Variants in ASTN2 observed in about 807,000 individuals in gnomAD.
ASTN2 encodes the protein astrotactin-2.
In ASTN2, 54 loss-of-function variants were observed where a neutral mutation model predicts 139.8. The observed-to-expected ratio is 0.39, with a 90% confidence interval of 0.31 to 0.48. The LOEUF (loss-of-function observed/expected upper bound fraction) is 0.48. ASTN2 is among the 20% of genes least tolerant of loss of function. The pLI, the probability that ASTN2 is intolerant of heterozygous loss-of-function variation, is 0.95. For synonymous variants in ASTN2, 756 were observed against 719.5 expected (o/e 1.05, Z -0.81); for missense variants, 1,565 against 1,725.1 (o/e 0.91, Z 1.64).
At chr9:116,840,866 C>A (rs1254260941) in intron 11 of ASTN2, among the ~76,000 whole-genome samples, 3 of 151,276 alleles carry the variant, frequency 2.0e-5, no homozygotes, top group Non-Finnish European at 2.9e-5. Flanking sequence ...GGATGGCGGC[C>A]GGGTAGAGAC....
intron 10 of ASTN2, among the ~76,000 whole-genome samples, chr9:116,925,538 C>T (rs1369843700): frequency 6.6e-6 from 1 of 152,160 alleles, no homozygotes; most frequent in Non-Finnish European, 1.5e-5. Flanking sequence ...CACATACTCA[C>T]ATGTACTCAT....
chr9:117,171,393 T>C (rs528614569), intron 3 of ASTN2, among the ~76,000 whole-genome samples: 1 of 152,144 alleles, frequency 6.6e-6, no homozygotes, highest in Non-Finnish European at 1.5e-5. Context: ...GATGAATCTA[T>C]AAAATGAAAC....
chr9:117,299,882 G>A (rs1834833401), intron 1 of ASTN2, among the ~76,000 whole-genome samples: 1 of 152,176 alleles, frequency 6.6e-6, no homozygotes. Flanking sequence ...TGAGTCAGAA[G>A]CTTATATTTT....
intron 6 of ASTN2, among the ~76,000 whole-genome samples, chr9:117,035,761 C>G (rs1838367107): frequency 6.6e-6 from 1 of 152,246 alleles, no homozygotes; most frequent in African/African-American, 2.4e-5. Flanking sequence ...CACCTGGCTT[C>G]AAATGCTGGA....
chr9:116,653,379 T>C (rs1858031289), intron 16 of ASTN2, among the ~76,000 whole-genome samples: 1 of 152,242 alleles, frequency 6.6e-6, no homozygotes, highest in Non-Finnish European at 1.5e-5. Context: ...ATTTCTTTTA[T>C]AGGCTGGCCT....
chr9:116,552,389 C>A (rs900801143), intron 19 of ASTN2, among the ~76,000 whole-genome samples: 13 of 152,030 alleles, frequency 8.6e-5, no homozygotes, highest in Admixed American at 3.3e-4. Context: ...ACTATTTATT[C>A]CTAATAAAAT....
chr9:116,912,364 G>A (rs1191602827), intron 10 of ASTN2, among the ~76,000 whole-genome samples: 2 of 152,208 alleles, frequency 1.3e-5, no homozygotes, highest in African/African-American at 4.8e-5. Flanking sequence ...AGTGAGAAAA[G>A]CAAAGCAGTT....
chr9:116,526,431 G>C (rs1851093037), intron 19 of ASTN2, among the ~76,000 whole-genome samples: 1 of 151,838 alleles, frequency 6.6e-6, no homozygotes, highest in Non-Finnish European at 1.5e-5. Flanking sequence ...GGCCAACATG[G>C]TAAAACCCCG....
intron 19 of ASTN2, among the ~76,000 whole-genome samples, chr9:116,560,842 AG>A (rs1472134164): frequency 2.0e-5 from 3 of 152,196 alleles, no homozygotes; most frequent in Non-Finnish European, 4.4e-5. Flanking sequence ...TCTGGAAGGG[AG>A]GTAGAGAGGG....
At chr9:117,412,044 T>G (rs963145115) in intron 1 of ASTN2, among the ~76,000 whole-genome samples, 1 of 140,160 alleles carries the variant, frequency 7.1e-6, no homozygotes, top group Non-Finnish European at 1.5e-5. Flanking sequence ...AACTCTCATT[T>G]CCGGCCAGCT....
chr9:116,934,752 T>C (rs1162044909), intron 10 of ASTN2, among the ~76,000 whole-genome samples: 2 of 152,224 alleles, frequency 1.3e-5, no homozygotes, highest in Admixed American at 6.5e-5. Context: ...ACTTGTACCC[T>C]TGAACTTAAT....
intron 19 of ASTN2, among the ~76,000 whole-genome samples, chr9:116,517,060 A>G (rs1381347699): frequency 3.9e-5 from 6 of 152,164 alleles, no homozygotes; most frequent in African/African-American, 1.4e-4. Flanking sequence ...CAAAGGTCAT[A>G]ATCTCTTAGG....
At chr9:116,464,140 T>A (rs1258753566) in intron 20 of ASTN2, among the ~76,000 whole-genome samples, 1 of 152,026 alleles carries the variant, frequency 6.6e-6, no homozygotes, top group Non-Finnish European at 1.5e-5. Flanking sequence ...TGAATGTATA[T>A]TTGTCAGTGT....
intron 1 of ASTN2, among the ~76,000 whole-genome samples, chr9:117,305,084 C>T (rs2130805517): frequency 6.6e-6 from 1 of 152,336 alleles, no homozygotes; most frequent in East Asian, 1.9e-4. Context: ...GTGCAAGATG[C>T]CAGACTCCTC....
chr9:116,628,096 G>A (rs993966011), intron 17 of ASTN2, among the ~76,000 whole-genome samples: 2 of 152,170 alleles, frequency 1.3e-5, no homozygotes, highest in African/African-American at 4.8e-5. Context: ...ACACCCCTGA[G>A]TCCACCCACC....
intron 4 of ASTN2, among the ~76,000 whole-genome samples, chr9:117,120,152 A>C (rs868488432): frequency 6.6e-6 from 1 of 150,588 alleles, no homozygotes; most frequent in African/African-American, 2.4e-5. Flanking sequence ...AAAACACTGG[A>C]CTGGAAGAAG....
intron 13 of ASTN2, among the ~76,000 whole-genome samples, chr9:116,766,714 GTC>G (rs1273509376): frequency 3.3e-5 from 5 of 150,800 alleles, no homozygotes; most frequent in Admixed American, 6.6e-5. Context: ...CACTTAAACA[GTC>G]ATATCACACA....
chr9:117,127,847 A>AT (rs1273428749), intron 4 of ASTN2, among the ~76,000 whole-genome samples: 4 of 150,902 alleles, frequency 2.7e-5, no homozygotes, highest in South Asian at 4.2e-4. Context: ...CGCCCACCTA[A>AT]TTTTTTGTAT....
chr9:116,985,039 A>G (rs1275174038), intron 7 of ASTN2, among the ~76,000 whole-genome samples: 1 of 152,182 alleles, frequency 6.6e-6, no homozygotes, highest in Non-Finnish European at 1.5e-5. Context: ...AATGAGGAAG[A>G]TTCTTTATAA....
Sources: allele counts gnomAD v4.1 joint callset (sites outside exome capture counted in the v4.1 genomes callset), GRCh38; gene constraint gnomAD v4.1.1; transcripts MANE v1.5; gene names NCBI Gene and HGNC (gene_info 2026-07-23, HGNC 2026-07-21).